FPR3: variants seen among roughly 807,000 people sequenced by gnomAD.
FPR3 encodes formyl peptide receptor 3.
For synonymous variants in FPR3, 135 were observed against 163.6 expected (o/e 0.83, Z 1.34); for missense variants, 346 against 443.2 (o/e 0.78, Z 1.97).
At chr19:51,822,221 G>A (rs1476424248) in intron 1 of FPR3, among the ~76,000 whole-genome samples, 1 of 152,176 alleles carries the variant, frequency 6.6e-6, no homozygotes, top group Non-Finnish European at 1.5e-5. Context: ...CCAGAAAGAT[G>A]CCAGGATATC....
chr19:51,823,731 T>A lies in FPR3; in HGVS notation c.-10-8T>A. The A allele has an allele frequency of 1.3e-6, 2 of 1,550,286 alleles. No individual in the cohort carries two copies. Among genetic ancestry groups the A allele is most frequent in the Non-Finnish European group, 1.7e-6 (2 of 1,148,250 alleles). On this transcript the variant is annotated splice_polypyrimidine_tract_variant and splice_region_variant and intron_variant, in intron 1 of 1. Transcript: ENST00000339223. ...AGCTGAGAAATGGCCATTGCTGAAATGTTTCAGGTGTGGGAAGATGGAAAC... is the reference window on the plus strand; with the variant it reads ...AGCTGAGAAATGGCCATTGCTGAAAAGTTTCAGGTGTGGGAAGATGGAAAC...
At chr19:51,823,393 T>C (rs190335649) in intron 1 of FPR3, among the ~76,000 whole-genome samples, 1 of 152,176 alleles carries the variant, frequency 6.6e-6, no homozygotes, top group East Asian at 1.9e-4. Context: ...ATGTGAACCT[T>C]CTGACTCTGA....
At position 51,824,874 on chromosome 19, in the gene FPR3, G is replaced by C; in HGVS notation, c.*64G>C. 1 of 1,323,232 alleles carries C rather than the reference G, an allele frequency of 7.6e-7. No individual in the cohort carries two copies. The allele number at this position is 1,323,232 out of a possible 1,614,324, so 82.0% of individuals were successfully genotyped here. A position where few individuals can be genotyped will look rare whatever the true frequency, so the allele number is the denominator to read the frequency against. On this transcript the variant is annotated 3_prime_UTR_variant, in exon 2 of 2. Transcript: ENST00000339223. The surrounding 1 kb of genome is among the most constrained non-coding windows in gnomAD (Gnocchi z 4.7). The stretch of plus-strand genomic sequence containing the variant: ...GCGTTAAGCGGAAAAAAAAAATTCT[G>C]ACAGTGTTTTTCTTCCTCTTTCATA...
intron 1 of FPR3, among the ~76,000 whole-genome samples, chr19:51,807,928 CTGTT>C (rs2084071051): frequency 6.6e-6 from 1 of 152,216 alleles, no homozygotes; most frequent in Non-Finnish European, 1.5e-5. Flanking sequence ...AAGGTTTTGA[CTGTT>C]TGATTAGATA....
At chr19:51,808,199 C>G (rs1291225309) in intron 1 of FPR3, among the ~76,000 whole-genome samples, 2 of 152,196 alleles carry the variant, frequency 1.3e-5, no homozygotes, top group Non-Finnish European at 2.9e-5. Flanking sequence ...CAATACCTAA[C>G]ATCGGTCATG....
At chr19:51,816,137 G>A (rs186044825) in intron 1 of FPR3, among the ~76,000 whole-genome samples, 20 of 151,970 alleles carry the variant, frequency 1.3e-4, no homozygotes, top group East Asian at 3.9e-4. Flanking sequence ...AAGAGGTGCC[G>A]GAAGGCTGAG....
Position 51,797,900 on chromosome 19 carries a change from T to TTTTTG in FPR3, c.-11+2569_-11+2570insTTTTG, listed in dbSNP as rs1323781827. 2.1e-4 allele frequency among the ~76,000 whole-genome samples: 30 copies of TTTTTG among 146,190 alleles called. 1 individual carries two copies. The highest frequency in any genetic ancestry group is 7.2e-4 in the African/African-American group (28 of 38,662). On this transcript the variant is annotated intron_variant, in intron 1 of 1. Transcript: ENST00000339223. ...TTCTTTTTTTTTTTTTTTTTTTTTTTGAGACGGAGTCTCGCTCTGTTGCCA... is the reference window on the plus strand; with the variant it reads ...TTCTTTTTTTTTTTTTTTTTTTTTTTTTTTGGAGACGGAGTCTCGCTCTGTTGCCA...
At chr19:51,804,640 G>A (rs1468910404) in intron 1 of FPR3, among the ~76,000 whole-genome samples, 1 of 152,032 alleles carries the variant, frequency 6.6e-6, no homozygotes, top group Non-Finnish European at 1.5e-5. Flanking sequence ...TGCTCAAATT[G>A]ACAAAAATTT....
intron 1 of FPR3, among the ~76,000 whole-genome samples, chr19:51,800,512 A>T (rs1393667339): frequency 2.0e-5 from 3 of 152,164 alleles, no homozygotes; most frequent in Non-Finnish European, 4.4e-5. Context: ...GAAAATGTTG[A>T]TAACATGTTC....
chr19:51,801,465 C>T (rs572768629), intron 1 of FPR3, among the ~76,000 whole-genome samples: 3 of 152,240 alleles, frequency 2.0e-5, no homozygotes, highest in Non-Finnish European at 4.4e-5. Flanking sequence ...TGTTCCTCTA[C>T]AATATAGGTT....
At chr19:51,800,033 AT>A (rs1446684095) in intron 1 of FPR3, among the ~76,000 whole-genome samples, 1 of 152,228 alleles carries the variant, frequency 6.6e-6, no homozygotes, top group Non-Finnish European at 1.5e-5. Flanking sequence ...CGATTCCACC[AT>A]AGTGAAGTTG....
At chr19:51,806,292 G>C (rs62108947) in intron 1 of FPR3, among the ~76,000 whole-genome samples, 14,913 of 152,114 alleles carry the variant, frequency 0.098, 1,014 homozygotes, top group East Asian at 0.25. Flanking sequence ...CACATGGCTT[G>C]TCAATCTCCT....
At chr19:51,795,501 ATTCTTTTTTTTTTTT>A (rs1203826730) in intron 1 of FPR3, among the ~76,000 whole-genome samples, 170 bp downstream of exon 1, 2 of 77,076 alleles carry the variant, frequency 2.6e-5, no homozygotes. Flanking sequence ...TTCCAGTAAC[ATTCTTTTTTTTTTTT>A]TTTTTTTTTT....
chr19:51,821,748 T>G (rs1055028054), intron 1 of FPR3, among the ~76,000 whole-genome samples: 1 of 151,962 alleles, frequency 6.6e-6, no homozygotes, highest in Admixed American at 6.6e-5. Flanking sequence ...CAAATCTTGC[T>G]GCCTCCACTG....
At chr19:51,802,143 C>T (rs1599829776) in intron 1 of FPR3, among the ~76,000 whole-genome samples, 1 of 151,922 alleles carries the variant, frequency 6.6e-6, no homozygotes, top group South Asian at 2.1e-4. Context: ...TTAATAAAAG[C>T]GTGATTATCG....
intron 1 of FPR3, among the ~76,000 whole-genome samples, chr19:51,795,584 G>A (rs35463146): frequency 0.078 from 9,659 of 123,834 alleles, 381 homozygotes; most frequent in African/African-American, 0.13. Flanking sequence ...CACAATCTCA[G>A]CCCACTGCAA....
chr19:51,805,138 C>A (rs186678974), intron 1 of FPR3: 2 of 152,328 alleles, frequency 1.3e-5, no homozygotes, highest in Admixed American at 1.3e-4. Flanking sequence ...GAGTTGGTCA[C>A]GTCCCATGGG....
chr19:51,824,947 G>A lies in FPR3; in HGVS notation c.*137G>A, dbSNP rs2084221646. 2 of 723,620 alleles carry A rather than the reference G, an allele frequency of 2.8e-6. No individual in the cohort carries two copies. The highest frequency in any genetic ancestry group is 3.0e-5 in the Admixed American group (1 of 33,660). The allele number at this position is 723,620 out of a possible 1,614,324, so 44.8% of individuals were successfully genotyped here. A position where few individuals can be genotyped will look rare whatever the true frequency, so the allele number is the denominator to read the frequency against. ...CATAAAGGAAGTCTGTACCAAATCT[G>A]TAGGGGGTTTTTCCCACAACCAAGC... On this transcript the variant is annotated 3_prime_UTR_variant, in exon 2 of 2. Coordinates refer to ENST00000339223, the MANE Select transcript of FPR3 (RefSeq NM_002030.5). The surrounding 1 kb of genome is among the most constrained non-coding windows in gnomAD (Gnocchi z 4.7).
At chr19:51,809,394 C>T (rs1208406386) in intron 1 of FPR3, among the ~76,000 whole-genome samples, 2 of 152,130 alleles carry the variant, frequency 1.3e-5, no homozygotes, top group Non-Finnish European at 2.9e-5. Context: ...ATCCATAAGC[C>T]CATAAAATTT....
Sources: allele counts gnomAD v4.1 joint callset (sites outside exome capture counted in the v4.1 genomes callset), GRCh38; gene constraint gnomAD v4.1.1; non-coding constraint Gnocchi (gnomAD v3.1); transcripts MANE v1.5; gene names NCBI Gene and HGNC (gene_info 2026-07-23, HGNC 2026-07-21).